Variants in AMPD3 observed in about 807,000 individuals in gnomAD.
AMPD3 encodes the protein adenosine monophosphate deaminase 3, also known as AMP deaminase 3.
In AMPD3, 57 loss-of-function variants were observed where a neutral mutation model predicts 82.3. The ratio of observed to expected loss-of-function variants is 0.69; its 90% CI spans 0.56 to 0.86. The LOEUF (loss-of-function observed/expected upper bound fraction) is 0.86. AMPD3 is among the 40% of genes least tolerant of loss of function. The pLI, the probability that AMPD3 is intolerant of heterozygous loss-of-function variation, is 0.00. For missense variants in AMPD3, 870 were observed against 1,003.8 expected (o/e 0.87, Z 1.80); for synonymous variants, 381 against 394.7 (o/e 0.97, Z 0.41).
At chr11:10,493,250 G>A in intron 6 of AMPD3, 99 bp from the exon 7 acceptor site, 3 of 1,401,302 alleles carry the variant, frequency 2.1e-6, no homozygotes, top group Non-Finnish European at 3.0e-6. Context: ...GATGGCCCAT[G>A]AGGTGCTGGG....
Position 10,455,396 on chromosome 11 carries a change from AG to A in AMPD3, c.-57del. 1 of 984,962 alleles carries A rather than the reference AG, an allele frequency of 1.0e-6. No homozygotes were observed. Among genetic ancestry groups the A allele is most frequent in the Non-Finnish European group, 1.2e-6 (1 of 829,856 alleles). 61.0% of individuals were successfully genotyped at this position (984,962 alleles called of 1,614,324 possible). ...CTCCACCTTCCCCAGGAGGAGTGGCAGAGTCCAGCCAGCGCTCGGAGCTGGA... is the reference window on the plus strand; with the variant it reads ...CTCCACCTTCCCCAGGAGGAGTGGCAAGTCCAGCCAGCGCTCGGAGCTGGA... On this transcript the variant is annotated 5_prime_UTR_variant, in exon 1 of 15. Transcript: ENST00000396553.
intron 6 of AMPD3, among the ~76,000 whole-genome samples, chr11:10,487,878 G>C (rs1849121388): frequency 6.6e-6 from 1 of 152,126 alleles, no homozygotes; most frequent in Admixed American, 6.5e-5. Flanking sequence ...TAATACCTAG[G>C]TGACGGGTTG....
rs1849015642 is a variant in AMPD3 at position 10,484,806 on chromosome 11, A to G, written c.590-14A>G. The G allele has an allele frequency of 4.3e-6, 7 of 1,613,442 alleles. No homozygotes were observed. Among genetic ancestry groups the G allele is most frequent in the Non-Finnish European group, 5.9e-6 (7 of 1,179,870 alleles). ...GTCAGGGGCACTTTGCCATCCCTCA[A>G]TCCTGTTTTGCAGACTTCCACCCTC... On this transcript the variant is annotated splice_polypyrimidine_tract_variant and intron_variant, in intron 4 of 14. Coordinates refer to ENST00000396553, the MANE Select transcript of AMPD3 (RefSeq NM_001025389.2).
At chr11:10,492,921 G>A (rs748636904) in intron 6 of AMPD3, among the ~76,000 whole-genome samples, 7 of 152,214 alleles carry the variant, frequency 4.6e-5, no homozygotes, top group African/African-American at 9.6e-5. Flanking sequence ...GGGATGCAGT[G>A]TACTGTACCT....
rs781172316 is a variant in AMPD3, at chr11:10,497,507, G to C, written c.1557+569G>C. The C allele has an allele frequency of 1.1e-3, 995 of 914,902 alleles. 2 individuals carry two copies. The highest frequency in any genetic ancestry group is 1.1e-3 in the Non-Finnish European group (838 of 765,320). The allele number at this position is 914,902 out of a possible 1,614,324, so 56.7% of individuals were successfully genotyped here. A position where few individuals can be genotyped will look rare whatever the true frequency, so the allele number is the denominator to read the frequency against. On this transcript the variant is annotated intron_variant, in intron 10 of 14. Transcript: ENST00000396553. ...CCACCCTCCGGATGCCTGGGATCGA[G>C]GGGGTATCAGATGGTGATACAGGCC...
chr11:10,456,544 G>A lies in AMPD3; in HGVS notation c.-6+1096G>A, dbSNP rs528255218. The A allele has an allele frequency of 3.8e-6, 6 of 1,596,894 alleles. No homozygotes were observed. The East Asian group carries it at 1.3e-4, about 36-fold the overall frequency. ...GAAAAGTTACTGTTTGTTGAAACTG[G>A]CAGTGTTTTAGAACTTTCTAACTTT... On this transcript the variant is annotated intron_variant, in intron 1 of 14. Coordinates refer to ENST00000396553, the MANE Select transcript of AMPD3 (RefSeq NM_001025389.2). The surrounding 1 kb of genome is among the most constrained non-coding windows in gnomAD (Gnocchi z 4.3).
intron 14 of AMPD3, 99 bp from the exon 15 acceptor site, chr11:10,505,609 C>T: frequency 1.3e-6 from 2 of 1,550,934 alleles, no homozygotes; most frequent in Non-Finnish European, 1.7e-6. Flanking sequence ...TTCAGGGGGA[C>T]TAGTCTGACT....
rs12287504 is a variant in AMPD3, at chr11:10,473,131, A to G, written c.222-5395A>G. ...CAAAAAATACAAAAATTAGCTGGGC[A>G]TGGTGGTGTGCGCCTATGGTTCCAG... On this transcript the variant is annotated intron_variant, in intron 2 of 14. Transcript: ENST00000396553. Among the ~76,000 whole-genome samples, 1,031 of 152,170 alleles carry G rather than the reference A, an allele frequency of 6.8e-3. 8 individuals carry two copies. The highest frequency in any genetic ancestry group is 0.023 in the African/African-American group (972 of 41,516).
At chr11:10,461,154 G>A in intron 1 of AMPD3, 1 of 1,205,720 alleles carries the variant, frequency 8.3e-7, no homozygotes, top group Non-Finnish European at 1.0e-6. Context: ...TCTGGAGGAG[G>A]GAGAGCTGAA....
intron 4 of AMPD3, among the ~76,000 whole-genome samples, chr11:10,482,940 C>G (rs148817483): frequency 5.3e-5 from 8 of 152,200 alleles, no homozygotes; most frequent in Non-Finnish European, 1.2e-4. Flanking sequence ...CATGTAGGCT[C>G]TGGTGTCAAA....
At chr11:10,479,242 T>C (rs540831912) in intron 3 of AMPD3, among the ~76,000 whole-genome samples, 2 of 152,316 alleles carry the variant, frequency 1.3e-5, no homozygotes, top group East Asian at 3.9e-4. Context: ...TTACACTAAG[T>C]CAATTAACGC....
intron 1 of AMPD3, among the ~76,000 whole-genome samples, chr11:10,460,711 A>T (rs1232475134): frequency 6.6e-6 from 1 of 152,178 alleles, no homozygotes; most frequent in Non-Finnish European, 1.5e-5. Flanking sequence ...GCCTGGCCAG[A>T]GTGTACATAT....
chr11:10,504,665 G>C lies in AMPD3; in HGVS notation c.2127+6G>C. On this transcript the variant is annotated splice_donor_region_variant and intron_variant, in intron 14 of 14. Coordinates refer to ENST00000396553, the MANE Select transcript of AMPD3 (RefSeq NM_001025389.2). ...AGAGCGGCCTCTCGCATCAGGTATG[G>C]AGTGTGACGGTGCTGCCTGTGTCCC... 1.9e-6 allele frequency: 3 copies of C among 1,613,392 alleles called. No individual in the cohort carries two copies. Among genetic ancestry groups the C allele is most frequent in the Non-Finnish European group, 2.5e-6 (3 of 1,179,326 alleles).
intron 1 of AMPD3, 170 bp from the exon 2 acceptor site, chr11:10,461,345 C>G (rs1848264192): frequency 1.3e-6 from 2 of 1,589,042 alleles, no homozygotes; most frequent in African/African-American, 2.7e-5. Context: ...CATCCAGTTA[C>G]TTATTGAGCT....
At chr11:10,503,565 T>C (rs1303342950) in intron 13 of AMPD3, among the ~76,000 whole-genome samples, 1 of 152,236 alleles carries the variant, frequency 6.6e-6, no homozygotes, top group Non-Finnish European at 1.5e-5. Flanking sequence ...CTGTTGTTTA[T>C]GTGGGTTATA....
intron 2 of AMPD3, among the ~76,000 whole-genome samples, chr11:10,474,081 G>C (rs1024348379): frequency 1.3e-5 from 2 of 152,092 alleles, no homozygotes; most frequent in Admixed American, 1.3e-4. Context: ...TGTCTCCTCT[G>C]GGGTCCCAAA....
chr11:10,473,456 G>C lies in AMPD3; in HGVS notation c.222-5070G>C, dbSNP rs181862265. 9.2e-4 allele frequency: 906 copies of C among 985,276 alleles called. 10 individuals are homozygous for C. The African/African-American group carries it at 0.015, about 16-fold the overall frequency. The allele number at this position is 985,276 out of a possible 1,614,324, so 61.0% of individuals were successfully genotyped here. ...GAGTGGAGATTACAGTAGGCCAGGAGGGGTTGTGGGGAAGGGAGGATGGAG... is the reference window on the plus strand; with the variant it reads ...GAGTGGAGATTACAGTAGGCCAGGACGGGTTGTGGGGAAGGGAGGATGGAG... On this transcript the variant is annotated intron_variant, in intron 2 of 14. Coordinates refer to ENST00000396553, the MANE Select transcript of AMPD3 (RefSeq NM_001025389.2).
At chr11:10,457,814 G>A (rs998571779) in intron 1 of AMPD3, among the ~76,000 whole-genome samples, 1 of 152,158 alleles carries the variant, frequency 6.6e-6, no homozygotes, top group Non-Finnish European at 1.5e-5. Flanking sequence ...AGAATCACCG[G>A]AGCCTGTGAG....
At position 10,456,272 on chromosome 11, in the gene AMPD3, G is replaced by T. The variant is rs1271844213; in HGVS notation, c.-6+824G>T. 3 of 1,571,206 alleles carry T rather than the reference G, an allele frequency of 1.9e-6. No homozygotes were observed. The highest frequency in any genetic ancestry group is 2.6e-6 in the Non-Finnish European group (3 of 1,156,366). On this transcript the variant is annotated intron_variant, in intron 1 of 14. Transcript: ENST00000396553. This position sits in a 1 kb window ranked among gnomAD's most constrained non-coding sequence, Gnocchi z 4.3. ...TGCAAAACAGAGACCTCCTACTCCA[G>T]CCGGCAGACAGGACCCAGCCAGCTG... is the stretch of plus-strand genomic sequence containing the variant.
Sources: allele counts gnomAD v4.1 joint callset (sites outside exome capture counted in the v4.1 genomes callset), GRCh38; gene constraint gnomAD v4.1.1; non-coding constraint Gnocchi (gnomAD v3.1); transcripts MANE v1.5; gene names NCBI Gene and HGNC (gene_info 2026-07-23, HGNC 2026-07-21).